Variants in LAMA2 observed in about 807,000 individuals in gnomAD.
LAMA2 encodes laminin subunit alpha-2.
In LAMA2, 269 loss-of-function variants were observed where a neutral mutation model predicts 364.8. The ratio of observed to expected loss-of-function variants is 0.74; its 90% CI spans 0.67 to 0.82. LAMA2 has a LOEUF of 0.82. LAMA2 is among the 40% of genes least tolerant of loss of function. LAMA2 has a pLI of 0.00. For missense variants in LAMA2, 3,807 were observed against 3,873.2 expected (o/e 0.98, Z 0.45); for synonymous variants, 1,379 against 1,370.6 (o/e 1.01, Z -0.14).
intron 1 of LAMA2, among the ~76,000 whole-genome samples, chr6:128,913,223 G>A (rs555267517): frequency 6.6e-5 from 10 of 152,222 alleles, no homozygotes; most frequent in East Asian, 3.9e-4. Flanking sequence ...GATCATTAGC[G>A]CATTGACAAT....
At chr6:129,449,746 A>G (rs1782571649) in intron 45 of LAMA2, among the ~76,000 whole-genome samples, 1 of 150,652 alleles carries the variant, frequency 6.6e-6, no homozygotes, top group Non-Finnish European at 1.5e-5. Flanking sequence ...TCTCTCTTAG[A>G]CTTGGAGTTC....
chr6:129,309,333 A>C (rs1263126996), intron 22 of LAMA2, among the ~76,000 whole-genome samples: 3 of 152,226 alleles, frequency 2.0e-5, no homozygotes, highest in Non-Finnish European at 4.4e-5. Context: ...GTGCTATCTA[A>C]ACACATGGTT....
intron 40 of LAMA2, among the ~76,000 whole-genome samples, chr6:129,419,802 G>A (rs1052111982): frequency 6.6e-6 from 1 of 152,064 alleles, no homozygotes; most frequent in Non-Finnish European, 1.5e-5. Context: ...GGTATGCTAT[G>A]CGATGCCAGG....
intron 1 of LAMA2, among the ~76,000 whole-genome samples, chr6:128,897,097 T>C (rs1388362610): frequency 6.6e-6 from 1 of 152,216 alleles, no homozygotes; most frequent in Non-Finnish European, 1.5e-5. Flanking sequence ...GAGACCAAGA[T>C]TTGGACCTAG....
chr6:129,121,238 G>A (rs887184119), intron 4 of LAMA2, among the ~76,000 whole-genome samples: 5 of 152,110 alleles, frequency 3.3e-5, no homozygotes, highest in Admixed American at 6.5e-5. Flanking sequence ...TGCTTGTTCC[G>A]TTTTGGGATG....
chr6:129,393,726 A>G (rs1779453113), intron 37 of LAMA2, among the ~76,000 whole-genome samples: 1 of 151,978 alleles, frequency 6.6e-6, no homozygotes, highest in South Asian at 2.1e-4. Context: ...AAACTAATTC[A>G]CAAATCTTGT....
chr6:129,339,177 A>G (rs1250128990), intron 29 of LAMA2, among the ~76,000 whole-genome samples: 3 of 152,234 alleles, frequency 2.0e-5, no homozygotes, highest in Non-Finnish European at 4.4e-5. Flanking sequence ...GGCTATTCTA[A>G]TAATCCAAAT....
chr6:129,401,274 A>T lies in LAMA2; in HGVS notation c.5496A>T (p.Leu1832Phe), dbSNP rs1779954649. 6.2e-7 allele frequency: 1 copy of T among 1,612,880 alleles called. No homozygotes were observed. Among genetic ancestry groups the T allele is most frequent in the Admixed American group, 1.7e-5 (1 of 60,008 alleles). ...ESGKRQIENTLKEGNDILDEA... is the reference protein window; with the variant it reads ...ESGKRQIENTFKEGNDILDEA... Reference sequence around the variant, plus strand: ...GCAAACGACAAATTGAGAACACTTTAAAAGAGGGCAATGACATACTCGATG... The same window carrying T: ...GCAAACGACAAATTGAGAACACTTTTAAAGAGGGCAATGACATACTCGATG... The change falls in exon 38 of 65, where the codon TTA (leucine) becomes TTT (phenylalanine). Residue 1832 changes from leucine to phenylalanine, a missense_variant. Physicochemically the swap from Leu to Phe is conservative, Grantham distance 22. Coordinates refer to ENST00000421865, the MANE Select transcript of LAMA2 (RefSeq NM_000426.4).
intron 12 of LAMA2, among the ~76,000 whole-genome samples, chr6:129,236,039 A>G (rs1198882773): frequency 6.6e-6 from 1 of 152,222 alleles, no homozygotes; most frequent in African/African-American, 2.4e-5. Context: ...TTAAAGTCAT[A>G]TGATCTGATT....
At chr6:129,269,425 C>T (rs749510565) in intron 16 of LAMA2, among the ~76,000 whole-genome samples, 3 of 149,756 alleles carry the variant, frequency 2.0e-5, no homozygotes, top group Non-Finnish European at 3.0e-5. Flanking sequence ...GTTTCCACTA[C>T]AAAAATACTT....
chr6:129,324,573 TCTC>T (rs745567582), intron 28 of LAMA2, among the ~76,000 whole-genome samples: 2 of 152,290 alleles, frequency 1.3e-5, no homozygotes, highest in East Asian at 3.9e-4. Flanking sequence ...CGTTAGGTGA[TCTC>T]CTCATTGTGC....
chr6:129,083,037 AT>A (rs2114842683), intron 3 of LAMA2, among the ~76,000 whole-genome samples: 1 of 151,944 alleles, frequency 6.6e-6, no homozygotes, highest in East Asian at 1.9e-4. Flanking sequence ...AGTTAACACC[AT>A]TAACGTTTGG....
chr6:129,416,421 C>T (rs1048520920), intron 40 of LAMA2, among the ~76,000 whole-genome samples: 2 of 151,684 alleles, frequency 1.3e-5, no homozygotes, highest in African/African-American at 4.8e-5. Flanking sequence ...GTATATTTTG[C>T]TTTCTCCATG....
intron 12 of LAMA2, among the ~76,000 whole-genome samples, chr6:129,234,974 G>A (rs1016671878): frequency 6.6e-6 from 1 of 152,114 alleles, no homozygotes; most frequent in Non-Finnish European, 1.5e-5. Flanking sequence ...TCTTATTCTA[G>A]TTTATTTTAG....
At chr6:128,994,567 A>G (rs934143733) in intron 1 of LAMA2, among the ~76,000 whole-genome samples, 10 of 152,318 alleles carry the variant, frequency 6.6e-5, no homozygotes, top group Admixed American at 6.5e-4. Flanking sequence ...ATTGAATTTA[A>G]GTTCTACTGT....
At chr6:128,958,063 G>T (rs1781264460) in intron 1 of LAMA2, among the ~76,000 whole-genome samples, 1 of 151,676 alleles carries the variant, frequency 6.6e-6, no homozygotes, top group African/African-American at 2.4e-5. Context: ...AGATTACCAT[G>T]TACTCCTTTT....
rs779942839 is a variant in LAMA2, at chr6:129,393,139, G to T, written c.5329G>T (p.Ala1777Ser). ...GGAGAAGGATCTCCGGGAAAAACTG[G>T]CTGACTACAAAAACAAAGTTGATGA... The part of the protein sequence containing the change: ...EMEKDLREKL[A>S]DYKNKVDDAW... The change falls in exon 37 of 65, where the codon GCT (alanine) becomes TCT (serine). Residue 1777 changes from alanine (A) to serine (S), a missense_variant. Physicochemically the swap from Ala to Ser is moderately conservative, Grantham distance 99 (BLOSUM62 1). Transcript: ENST00000421865. 1 of 1,614,012 alleles carries T rather than the reference G, an allele frequency of 6.2e-7. No homozygotes were observed.
intron 7 of LAMA2, among the ~76,000 whole-genome samples, chr6:129,153,485 G>A (rs1778932220): frequency 6.6e-6 from 1 of 152,192 alleles, no homozygotes; most frequent in Admixed American, 6.5e-5. Flanking sequence ...CACCTGCCAT[G>A]TATCTTATTT....
chr6:129,063,603 C>T (rs1789085434), intron 3 of LAMA2, among the ~76,000 whole-genome samples: 2 of 152,224 alleles, frequency 1.3e-5, no homozygotes, highest in South Asian at 2.1e-4. Flanking sequence ...TAGTTAAGCT[C>T]ATGTCTTAAC....
Sources: allele counts gnomAD v4.1 joint callset (sites outside exome capture counted in the v4.1 genomes callset), GRCh38; gene constraint gnomAD v4.1.1; transcripts MANE v1.5; gene names NCBI Gene and HGNC (gene_info 2026-07-23, HGNC 2026-07-21).